The following DPP6 variants were observed in gnomAD, a reference collection of about 807,000 sequenced individuals.
DPP6 encodes A-type potassium channel modulatory protein DPP6.
Under a neutral mutation model 122.6 loss-of-function variants are expected in DPP6, and 69 were observed. The observed-to-expected ratio is 0.56, with a 90% CI of 0.46 to 0.69. The LOEUF (loss-of-function observed/expected upper bound fraction) is 0.69, where lower values mean the gene tolerates loss of function less well. DPP6 is among the 30% of genes least tolerant of loss of function. The pLI is 0.00. For missense variants in DPP6, 928 were observed against 1,116.9 expected (o/e 0.83, Z 2.41); for synonymous variants, 418 against 433.1 (o/e 0.97, Z 0.43).
chr7:154,155,796 A>G (rs1665023390), intron 1 of DPP6, among the ~76,000 whole-genome samples: 1 of 152,132 alleles, frequency 6.6e-6, no homozygotes, highest in South Asian at 2.1e-4. Context: ...TGGGTTGTGT[A>G]TAATCTGTAT....
chr7:153,954,708 C>T (rs748672657), intron 1 of DPP6, among the ~76,000 whole-genome samples: 7 of 152,154 alleles, frequency 4.6e-5, no homozygotes, highest in Middle Eastern at 3.2e-3. Flanking sequence ...AAAGACTGAC[C>T]GCCCCAGTTA....
At chr7:153,878,070 T>C in the DPP6 span, among the ~76,000 whole-genome samples, 6 of 152,152 alleles carry the variant, frequency 3.9e-5, no homozygotes, top group African/African-American at 1.4e-4. Context: ...TATACCGTCA[T>C]CAGAAATGTT....
chr7:154,633,017 G>A (rs1021661036), intron 5 of DPP6, among the ~76,000 whole-genome samples: 2 of 152,056 alleles, frequency 1.3e-5, no homozygotes, highest in Admixed American at 6.5e-5. Context: ...TCCATCTTGT[G>A]GATAGTGTTT....
intron 2 of DPP6, among the ~76,000 whole-genome samples, chr7:154,468,299 A>T (rs116427090): frequency 2.0e-5 from 3 of 152,240 alleles, no homozygotes; most frequent in African/African-American, 7.2e-5. Context: ...GGTTGCGAAG[A>T]GCTGAAGAGA....
At chr7:154,771,844 A>G (rs991157922) in intron 9 of DPP6, among the ~76,000 whole-genome samples, 2 of 152,226 alleles carry the variant, frequency 1.3e-5, no homozygotes, top group Non-Finnish European at 2.9e-5. Context: ...TTTAGTTGGA[A>G]GCATAATTAA....
chr7:154,675,236 T>G (rs1838820888), intron 7 of DPP6, among the ~76,000 whole-genome samples: 1 of 152,074 alleles, frequency 6.6e-6, no homozygotes, highest in South Asian at 2.1e-4. Context: ...AGGGATAGCA[T>G]TAGGAGAAAT....
At chr7:154,639,559 A>G (rs1331107085) in intron 6 of DPP6, among the ~76,000 whole-genome samples, 3 of 152,182 alleles carry the variant, frequency 2.0e-5, no homozygotes, top group African/African-American at 7.2e-5. Flanking sequence ...TGCCTAACGT[A>G]TTGTGTTAAT....
the DPP6 span, among the ~76,000 whole-genome samples, chr7:153,832,117 T>A: frequency 0.37 from 55,873 of 152,022 alleles, 10,305 homozygotes; most frequent in East Asian, 0.55. Flanking sequence ...TGTATGAACA[T>A]ACCATATTAT....
At chr7:154,621,296 C>T (rs1834635105) in intron 5 of DPP6, among the ~76,000 whole-genome samples, 2 of 152,010 alleles carry the variant, frequency 1.3e-5, no homozygotes, top group South Asian at 2.1e-4. Flanking sequence ...TTAATATAAC[C>T]CTATGTGTAA....
intron 4 of DPP6, among the ~76,000 whole-genome samples, chr7:154,557,930 A>G (rs760373287): frequency 1.3e-5 from 2 of 152,184 alleles, no homozygotes; most frequent in Non-Finnish European, 2.9e-5. Context: ...ATTCCTTTTA[A>G]TGGCAAAACC....
chr7:154,698,129 AT>A (rs1418144825), intron 7 of DPP6, among the ~76,000 whole-genome samples: 2 of 152,192 alleles, frequency 1.3e-5, no homozygotes, highest in African/African-American at 2.4e-5. Context: ...GAATAGATGT[AT>A]TTTTTTAGTT....
chr7:153,772,082 C>G, the DPP6 span, among the ~76,000 whole-genome samples: 1 of 152,126 alleles, frequency 6.6e-6, no homozygotes, highest in Non-Finnish European at 1.5e-5. Context: ...GTGATCCTTA[C>G]ACTTCACAGG....
At position 154,053,115 on chromosome 7, in the gene DPP6, C is replaced by T. The variant is rs926815118; in HGVS notation, c.243+52C>T. Reference sequence around the variant, plus strand: ...GGCGGCGGGTTCTCCGGGCTGAGCGCGCAGCGAGACGCGTCGGCAGGGGAA... The same window carrying T: ...GGCGGCGGGTTCTCCGGGCTGAGCGTGCAGCGAGACGCGTCGGCAGGGGAA... On this transcript the variant is annotated intron_variant, in intron 1 of 25. Transcript: ENST00000377770. 1.2e-5 allele frequency: 13 copies of T among 1,045,492 alleles called. No homozygotes were observed. The Admixed American group carries it at 2.3e-4, about 18-fold the overall frequency. 64.8% of individuals were successfully genotyped at this position (1,045,492 alleles called of 1,614,324 possible).
intron 3 of DPP6, among the ~76,000 whole-genome samples, chr7:154,485,470 A>G (rs1313064360): frequency 2.6e-5 from 4 of 152,200 alleles, no homozygotes; most frequent in Non-Finnish European, 5.9e-5. Flanking sequence ...ATTTTCGTGC[A>G]GTAAAATCTG....
At chr7:154,325,296 T>G (rs1808352495) in intron 1 of DPP6, among the ~76,000 whole-genome samples, 1 of 152,122 alleles carries the variant, frequency 6.6e-6, no homozygotes, top group African/African-American at 2.4e-5. Flanking sequence ...CCACCCAGTG[T>G]CTCACCAGCC....
intron 1 of DPP6, among the ~76,000 whole-genome samples, chr7:154,225,416 C>T (rs547312946): frequency 1.3e-5 from 2 of 152,098 alleles, no homozygotes; most frequent in East Asian, 3.9e-4. Flanking sequence ...TGTTACCTCT[C>T]TTGACCTTGC....
intron 1 of DPP6, among the ~76,000 whole-genome samples, chr7:153,947,478 A>G (rs1283668273): frequency 1.3e-5 from 2 of 152,128 alleles, no homozygotes; most frequent in Admixed American, 1.3e-4. Context: ...GGCCCTATAA[A>G]CTAGACTGGC....
chr7:153,986,516 G>GC (rs1796857889), intron 1 of DPP6, among the ~76,000 whole-genome samples: 1 of 152,076 alleles, frequency 6.6e-6, no homozygotes, highest in Non-Finnish European at 1.5e-5. Flanking sequence ...TAATCTCCTT[G>GC]CCTCAGTCCA....
At chr7:154,703,492 G>T (rs1361235879) in intron 7 of DPP6, among the ~76,000 whole-genome samples, 1 of 151,968 alleles carries the variant, frequency 6.6e-6, no homozygotes, top group Non-Finnish European at 1.5e-5. Flanking sequence ...GATGGTGGGT[G>T]CCTGTAATCT....
Sources: gnomAD v4.1 joint callset for allele counts (sites outside exome capture counted in the v4.1 genomes callset) on GRCh38, gnomAD v4.1.1 for gene constraint, MANE v1.5 for transcripts, NCBI Gene and HGNC (gene_info 2026-07-23, HGNC 2026-07-21) for gene names.